ZNF479: variants seen among roughly 807,000 people sequenced by gnomAD.
ZNF479 encodes the protein zinc finger protein 479.
Under a neutral mutation model 14.7 loss-of-function variants are expected in ZNF479, and 15 were observed. The observed-to-expected ratio is 1.02, with a 90% CI of 0.68 to 1.57. The LOEUF (loss-of-function observed/expected upper bound fraction) is 1.57, where lower values mean the gene tolerates loss of function less well. Ranked by LOEUF, ZNF479 falls within the 40% of genes most tolerant of loss-of-function variation. ZNF479 has a pLI of 0.00. For missense variants in ZNF479, 506 were observed against 615.1 expected (o/e 0.82, Z 1.88); for synonymous variants, 145 against 211.5 (o/e 0.69, Z 2.73).
chr7:57,120,369 C>T lies in ZNF479; in HGVS notation c.1046G>A (p.Arg349Lys), dbSNP rs1554400032. The T allele has an allele frequency of 1.2e-6, 2 of 1,613,512 alleles. No homozygotes were observed. The highest frequency in any genetic ancestry group is 1.7e-6 in the Non-Finnish European group (2 of 1,179,758). ...TTCTTCACAGGCATAGGGTTTCTCT[C>T]TAGTATGAATTCTCTTATGTCTAGT... ...NLTRHKRIHT[R>K]EKPYACEECG... Residue 349 changes from arginine (R) to lysine (K), a missense_variant, in exon 4 of 4, where the codon AGA (arginine) becomes AAA (lysine). Around this residue, in one of 3 missense-constraint regions of ZNF479, gnomAD observed 420 missense variants for 474.2 expected, o/e 0.89. Coordinates refer to ENST00000319636, the MANE Select transcript of ZNF479 (RefSeq NM_001370129.2).
chr7:57,135,260 G>C (rs150842040), upstream of ZNF479, among the ~76,000 whole-genome samples: 1,133 of 152,242 alleles, frequency 7.4e-3, 21 homozygotes, highest in African/African-American at 0.026. Context: ...AAGAACACTT[G>C]AAAAACTTGT....
At chr7:57,135,881 T>C (rs576770116), upstream of ZNF479, among the ~76,000 whole-genome samples, 3 of 152,266 alleles carry the variant, frequency 2.0e-5, no homozygotes, top group Admixed American at 2.0e-4. Context: ...AGCAGCCACC[T>C]AAACTTTTGA....
At chr7:57,134,139 T>C (rs1786543707), upstream of ZNF479, among the ~76,000 whole-genome samples, 1 of 152,074 alleles carries the variant, frequency 6.6e-6, no homozygotes, top group African/African-American at 2.4e-5. Flanking sequence ...CTGGGTAAAA[T>C]GGGGCTGAAA....
intron 3 of ZNF479, among the ~76,000 whole-genome samples, chr7:57,125,516 A>G (rs1466097728): frequency 6.6e-6 from 1 of 151,266 alleles, no homozygotes; most frequent in Non-Finnish European, 1.5e-5. Flanking sequence ...AAATATATAT[A>G]AAAAATTAAA....
At chr7:57,128,601 A>G (rs1786284715) in intron 1 of ZNF479, among the ~76,000 whole-genome samples, 1 of 152,226 alleles carries the variant, frequency 6.6e-6, no homozygotes, top group African/African-American at 2.4e-5. Context: ...GTAGGTCATA[A>G]ATTTGTTCTA....
intron 1 of ZNF479, among the ~76,000 whole-genome samples, chr7:57,131,799 T>C (rs1047430128): frequency 6.6e-6 from 1 of 152,152 alleles, no homozygotes; most frequent in Non-Finnish European, 1.5e-5. Flanking sequence ...GTCTCTCCCA[T>C]GGATCACAAC....
At chr7:57,134,713 C>T (rs1157623399), upstream of ZNF479, among the ~76,000 whole-genome samples, 4 of 126,994 alleles carry the variant, frequency 3.1e-5, no homozygotes, top group Non-Finnish European at 4.7e-5. Flanking sequence ...CCTGCTCTGT[C>T]ACCCAGGCTG....
At chr7:57,134,262 G>T (rs779086407), upstream of ZNF479, among the ~76,000 whole-genome samples, 15 of 152,142 alleles carry the variant, frequency 9.9e-5, no homozygotes, top group Non-Finnish European at 2.1e-4. Context: ...TTGCAGTAAA[G>T]AAGCGACAAA....
chr7:57,129,014 T>C (rs1786303687), intron 1 of ZNF479, among the ~76,000 whole-genome samples: 1 of 152,136 alleles, frequency 6.6e-6, no homozygotes, highest in South Asian at 2.1e-4. Flanking sequence ...GACCGAGACT[T>C]GCAGAAAACA....
upstream of ZNF479, among the ~76,000 whole-genome samples, chr7:57,136,634 A>T (rs746977747): frequency 6.6e-6 from 1 of 152,178 alleles, no homozygotes; most frequent in Non-Finnish European, 1.5e-5. Context: ...TGGCTGCTGG[A>T]GGCTTCTTCT....
upstream of ZNF479, among the ~76,000 whole-genome samples, chr7:57,136,773 T>C (rs1449687946): frequency 2.0e-5 from 3 of 152,174 alleles, no homozygotes; most frequent in Non-Finnish European, 4.4e-5. Flanking sequence ...TTGATATCTG[T>C]GTGAATATTT....
upstream of ZNF479, among the ~76,000 whole-genome samples, chr7:57,134,664 T>C (rs990041749): frequency 8.2e-6 from 1 of 122,622 alleles, no homozygotes; most frequent in African/African-American, 2.7e-5. Flanking sequence ...CTTTCTTCTA[T>C]CTTTTTTTTT....
chr7:57,137,556 C>T (rs1010712151), intron 1 of ZNF479, among the ~76,000 whole-genome samples: 6 of 152,204 alleles, frequency 3.9e-5, no homozygotes, highest in Non-Finnish European at 7.3e-5. Context: ...TAGGCATTTT[C>T]GGTGCAACTC....
Position 57,126,656 on chromosome 7 carries a change from A to G in ZNF479, c.102T>C (p.Asp34=). Reference sequence around the variant, plus strand: ...CTCTATATAAATTCCGCTGAGCACAATCCAGGCATTGCCATTCCTCCAGAG... The same window carrying G: ...CTCTATATAAATTCCGCTGAGCACAGTCCAGGCATTGCCATTCCTCCAGAG... ...EFSLEEWQCL[D]CAQRNLYRDV... is the part of the protein sequence containing the mutation. The change falls in exon 2 of 4, where the codon GAT becomes GAC. Residue 34 remains aspartate (D), a synonymous_variant. Transcript: ENST00000319636. 1.9e-6 allele frequency: 3 copies of G among 1,613,762 alleles called. No individual in the cohort carries two copies. Among genetic ancestry groups the G allele is most frequent in the Non-Finnish European group, 8.5e-7 (1 of 1,179,736 alleles).
rs1434633563 is a variant in ZNF479 at position 57,119,654 on chromosome 7, G to C, written c.*186C>G. 3 of 619,342 alleles carry C rather than the reference G, an allele frequency of 4.8e-6. No homozygotes were observed. Among genetic ancestry groups the C allele is most frequent in the African/African-American group, 1.9e-5 (1 of 53,874 alleles). The allele number at this position is 619,342 out of a possible 1,614,324, so 38.4% of individuals were successfully genotyped here. On this transcript the variant is annotated 3_prime_UTR_variant, in exon 4 of 4. Transcript: ENST00000319636. ...TTCTCTTAGGTTTATTAAGGTTTGAGGGTTGGTTAAAGGCTTTGTTACATT... is the reference window on the plus strand; with the variant it reads ...TTCTCTTAGGTTTATTAAGGTTTGACGGTTGGTTAAAGGCTTTGTTACATT...
chr7:57,130,771 G>GT (rs1786379520), intron 1 of ZNF479, among the ~76,000 whole-genome samples: 1 of 152,146 alleles, frequency 6.6e-6, no homozygotes, highest in South Asian at 2.1e-4. Context: ...CCCAGTGAAT[G>GT]TAAGTTTTTC....
intron 1 of ZNF479, among the ~76,000 whole-genome samples, chr7:57,138,260 C>A (rs1183234517): frequency 3.9e-5 from 6 of 152,056 alleles, no homozygotes; most frequent in African/African-American, 1.4e-4. Flanking sequence ...GAAAAACAGG[C>A]AATGATCTGG....
upstream of ZNF479, among the ~76,000 whole-genome samples, chr7:57,135,327 G>A (rs1786596745): frequency 6.6e-6 from 1 of 152,128 alleles, no homozygotes; most frequent in African/African-American, 2.4e-5. Context: ...GGGGTTAGAG[G>A]CCCCTCTCAG....
chr7:57,120,755 T>C lies in ZNF479; in HGVS notation c.660A>G (p.Lys220=). ...EKSYKCKECG[K]SFNCSSNHTT... ...TATGGTTTGAGGAGCAGTTAAAGGA[T>C]TTGCCACATTCTTTGCATTTGTAGG... The change falls in exon 4 of 4, where the codon AAA becomes AAG. Residue 220 remains lysine, a synonymous_variant. Transcript: ENST00000319636. The C allele has an allele frequency of 1.9e-6, 3 of 1,612,916 alleles. No individual in the cohort carries two copies. Among genetic ancestry groups the C allele is most frequent in the Non-Finnish European group, 1.7e-6 (2 of 1,179,456 alleles).
Sources: allele counts gnomAD v4.1 joint callset (sites outside exome capture counted in the v4.1 genomes callset), GRCh38; gene constraint gnomAD v4.1.1; regional missense constraint gnomAD v4.1.1; transcripts MANE v1.5; gene names NCBI Gene and HGNC (gene_info 2026-07-23, HGNC 2026-07-21).